Variants in BLTP1 observed in about 807,000 individuals in gnomAD.
BLTP1 encodes fragile site-associated protein.
the BLTP1 span, chr4:122,273,299 A>C: frequency 8.1e-6 from 8 of 983,550 alleles, no homozygotes; most frequent in African/African-American, 1.4e-4. Flanking sequence ...TATTTACTCA[A>C]AAAACTAATT....
the BLTP1 span, chr4:122,349,286 C>T: frequency 6.2e-7 from 1 of 1,612,944 alleles, no homozygotes; most frequent in Non-Finnish European, 8.5e-7. The surrounding 1 kb of genome is among the most constrained non-coding windows in gnomAD (Gnocchi z 4.5). Context: ...GTTGGAGGGA[C>T]CATAGATGTC....
chr4:122,251,500 T>G, the BLTP1 span: 20 of 951,716 alleles, frequency 2.1e-5, no homozygotes, highest in Non-Finnish European at 2.4e-5. Context: ...AGTTTTATTT[T>G]GGTGTCTTTG....
At chr4:122,351,411 A>G in the BLTP1 span, 1 of 168,136 alleles carries the variant, frequency 5.9e-6, no homozygotes, top group African/African-American at 2.4e-5. Flanking sequence ...TTGTAGGTCA[A>G]CAATCTCCAA....
chr4:122,196,674 A>G, the BLTP1 span: 3 of 1,609,918 alleles, frequency 1.9e-6, no homozygotes, highest in Non-Finnish European at 2.5e-6. Context: ...CTGACTATCA[A>G]GTTCTGAAAG....
the BLTP1 span, chr4:122,204,892 TTTAA>T: frequency 1.4e-6 from 1 of 737,028 alleles, no homozygotes; most frequent in Non-Finnish European, 1.7e-6. Flanking sequence ...TAAAAATATA[TTTAA>T]GGTAAATTTG....
At chr4:122,187,595 G>T in the BLTP1 span, 1 of 1,380,280 alleles carries the variant, frequency 7.2e-7, no homozygotes. Context: ...TTTAATGTAA[G>T]AAAATTAAAT....
At chr4:122,319,567 A>G in the BLTP1 span, among the ~76,000 whole-genome samples, 1 of 141,198 alleles carries the variant, frequency 7.1e-6, no homozygotes, top group African/African-American at 2.6e-5. Flanking sequence ...TTTGACACAG[A>G]GTCTCGCTCT....
At chr4:122,165,169 C>A in the BLTP1 span, among the ~76,000 whole-genome samples, 1 of 152,008 alleles carries the variant, frequency 6.6e-6, no homozygotes, top group Non-Finnish European at 1.5e-5. Flanking sequence ...GTGCTGCACC[C>A]ATTAACTCAT....
At chr4:122,307,609 G>A in the BLTP1 span, 3 of 985,104 alleles carry the variant, frequency 3.0e-6, no homozygotes, top group African/African-American at 5.2e-5. Context: ...CAGCTCTACA[G>A]ATGAAGTTAA....
the BLTP1 span, chr4:122,183,548 T>C: frequency 1.7e-5 from 17 of 983,144 alleles, no homozygotes; most frequent in Non-Finnish European, 2.1e-5. Flanking sequence ...CAAGGACTTA[T>C]TTGGGCCCCA....
the BLTP1 span, chr4:122,239,607 C>T: frequency 1.2e-5 from 20 of 1,613,934 alleles, no homozygotes; most frequent in Middle Eastern, 1.6e-4. Context: ...TCCCTTGAAA[C>T]GACAAGCCTC....
the BLTP1 span, chr4:122,331,641 G>C: frequency 1.4e-6 from 2 of 1,456,258 alleles, no homozygotes; most frequent in Non-Finnish European, 1.8e-6. Flanking sequence ...CCAAAATGCA[G>C]ATTTGAAGTG....
the BLTP1 span, among the ~76,000 whole-genome samples, chr4:122,327,653 A>G: frequency 2.0e-5 from 3 of 150,480 alleles, no homozygotes; most frequent in Non-Finnish European, 4.4e-5. Context: ...ACTAGCTTTT[A>G]AAAGATCCAC....
chr4:122,357,816 T>C, the BLTP1 span, among the ~76,000 whole-genome samples: 149,462 of 152,300 alleles, frequency 0.98, 73,405 homozygotes, highest in East Asian at 1. Context: ...CACTATAATA[T>C]TGTTTCATTT....
the BLTP1 span, chr4:122,240,161 T>C: frequency 1.9e-6 from 3 of 1,614,130 alleles, no homozygotes; most frequent in Non-Finnish European, 2.5e-6. Flanking sequence ...GTGAACAGAT[T>C]ACTCCGCAAC....
the BLTP1 span, among the ~76,000 whole-genome samples, chr4:122,228,370 G>T: frequency 6.6e-6 from 1 of 152,136 alleles, no homozygotes; most frequent in East Asian, 1.9e-4. Context: ...TATCACCTTA[G>T]AAAATTCCTT....
At chr4:122,195,140 T>G in the BLTP1 span, among the ~76,000 whole-genome samples, 1 of 152,286 alleles carries the variant, frequency 6.6e-6, no homozygotes, top group South Asian at 2.1e-4. Flanking sequence ...ATCTCAGCTG[T>G]TTTGCTATTG....
At chr4:122,257,293 T>C in the BLTP1 span, 14 of 1,613,748 alleles carry the variant, frequency 8.7e-6, no homozygotes, top group South Asian at 1.4e-4. Context: ...TGAAGAAAGG[T>C]TTAGTTGCAC....
the BLTP1 span, chr4:122,344,953 T>C: frequency 4.1e-6 from 4 of 984,850 alleles, no homozygotes; most frequent in South Asian, 9.4e-5. Context: ...ATTGTGTGCA[T>C]GTATACTGCT....
Sources: allele counts gnomAD v4.1 joint callset (sites outside exome capture counted in the v4.1 genomes callset), GRCh38; gene constraint gnomAD v4.1.1; non-coding constraint Gnocchi (gnomAD v3.1); transcripts MANE v1.5; gene names NCBI Gene and HGNC (gene_info 2026-07-23, HGNC 2026-07-21).